The following CHN2 variants were observed in gnomAD, a reference collection of about 807,000 sequenced individuals.
CHN2 encodes beta-chimaerin.
CHN2 carries 35 observed loss-of-function variants against 56.3 expected under a neutral mutation model. The ratio of observed to expected loss-of-function variants is 0.62; its 90% CI spans 0.47 to 0.82. The LOEUF is 0.82. Ranked by LOEUF, CHN2 falls within the 40% of genes least tolerant of loss-of-function variation. The pLI, the probability that CHN2 is intolerant of heterozygous loss-of-function variation, is 0.00. For synonymous variants in CHN2, 210 were observed against 212.8 expected (o/e 0.99, Z 0.12); for missense variants, 491 against 580.5 (o/e 0.85, Z 1.58).
intron 1 of CHN2, among the ~76,000 whole-genome samples, chr7:29,254,661 G>A (rs149043200): frequency 3.9e-5 from 6 of 152,166 alleles, no homozygotes; most frequent in East Asian, 3.9e-4. Flanking sequence ...ATTGGTTACC[G>A]GGGACTGGAC....
intron 2 of CHN2, among the ~76,000 whole-genome samples, chr7:29,148,308 C>T (rs1438441987): frequency 6.6e-6 from 1 of 152,182 alleles, no homozygotes; most frequent in Non-Finnish European, 1.5e-5. Context: ...CTGAATTTTA[C>T]AGTAAACACA....
intron 1 of CHN2, among the ~76,000 whole-genome samples, chr7:29,321,335 A>G (rs1795328584): frequency 6.6e-6 from 1 of 152,148 alleles, no homozygotes; most frequent in South Asian, 2.1e-4. Context: ...TGGAACGCAC[A>G]TGCCAGGGAC....
At chr7:29,339,407 C>T (rs1001029419) in intron 1 of CHN2, among the ~76,000 whole-genome samples, 2 of 151,968 alleles carry the variant, frequency 1.3e-5, no homozygotes, top group African/African-American at 2.4e-5. Context: ...ACTGAAACCC[C>T]GAGCTATGCC....
intron 3 of CHN2, among the ~76,000 whole-genome samples, chr7:29,375,663 G>T (rs1228530772): frequency 6.6e-6 from 1 of 152,190 alleles, no homozygotes; most frequent in Non-Finnish European, 1.5e-5. Context: ...TGGAACCCAA[G>T]ATCCCATTAC....
chr7:29,355,590 G>A (rs1213189978), intron 2 of CHN2, among the ~76,000 whole-genome samples: 1 of 151,838 alleles, frequency 6.6e-6, no homozygotes, highest in African/African-American at 2.4e-5. Flanking sequence ...GGTAGGAGGA[G>A]CCCACTGTGT....
chr7:29,414,605 A>G (rs1057136795), intron 6 of CHN2, among the ~76,000 whole-genome samples: 30 of 151,950 alleles, frequency 2.0e-4, no homozygotes, highest in Non-Finnish European at 4.4e-4. Flanking sequence ...CCTGAGATTG[A>G]CCACCGCCTG....
At position 29,226,178 on chromosome 7, in the gene CHN2, A is replaced by G. The variant is rs189813447; in HGVS notation, c.49+31188A>G. 6.7e-3 allele frequency among the ~76,000 whole-genome samples: 1,024 copies of G among 152,328 alleles called. 5 individuals are homozygous for G. The highest frequency in any genetic ancestry group is 1.0e-2 in the Non-Finnish European group (679 of 68,028). On this transcript the variant is annotated intron_variant, in intron 1 of 12. Coordinates refer to ENST00000222792, the MANE Select transcript of CHN2 (RefSeq NM_004067.4). The stretch of plus-strand genomic sequence containing the variant: ...TCAATTGATTGCCTGTAGTGTTACA[A>G]ATACTTTGAAAAATGAAGGGAAATT...
rs1791629862 is a variant in CHN2, at chr7:29,512,675, T to C, written c.1347T>C (p.Asp449=). ...PEDSTLTTLH[D]MRYQKLIVQI... is the part of the protein sequence containing the mutation. ...ACAGCACCCTGACCACCCTGCATGA[T>C]ATGCGGTACCAAAAGCTGATTGTGC... The change falls in exon 13 of 13, where the codon GAT becomes GAC. Residue 449 remains aspartate (D), a synonymous_variant. Coordinates refer to ENST00000222792, the MANE Select transcript of CHN2 (RefSeq NM_004067.4). The C allele has an allele frequency of 6.2e-7, 1 of 1,614,094 alleles. No homozygotes were observed.
At chr7:29,473,117 A>G (rs1424638282) in intron 6 of CHN2, among the ~76,000 whole-genome samples, 1 of 152,208 alleles carries the variant, frequency 6.6e-6, no homozygotes, top group African/African-American at 2.4e-5. Flanking sequence ...CCTGCAGGGC[A>G]TGGTATGGAT....
chr7:29,506,669 C>G (rs1480763477), intron 10 of CHN2, among the ~76,000 whole-genome samples: 1 of 152,112 alleles, frequency 6.6e-6, no homozygotes. Context: ...AGAAATATAA[C>G]ATCACATATC....
intron 1 of CHN2, among the ~76,000 whole-genome samples, chr7:29,318,463 G>C (rs924373511): frequency 6.6e-6 from 1 of 152,178 alleles, no homozygotes; most frequent in Non-Finnish European, 1.5e-5. Context: ...GTCTGGAATG[G>C]AGAAGCCATG....
intron 2 of CHN2, among the ~76,000 whole-genome samples, chr7:29,181,862 G>A (rs190912842): frequency 6.6e-6 from 1 of 151,990 alleles, no homozygotes; most frequent in African/African-American, 2.4e-5. Flanking sequence ...AATTCCTAAG[G>A]GGGGGAAAAG....
chr7:29,288,658 C>G (rs1282672419), intron 1 of CHN2, among the ~76,000 whole-genome samples: 1 of 151,898 alleles, frequency 6.6e-6, no homozygotes, highest in African/African-American at 2.4e-5. Context: ...GCAGGGAGCA[C>G]ACAGAGAGGA....
At chr7:29,280,414 A>T (rs1264106841) in intron 1 of CHN2, among the ~76,000 whole-genome samples, 2 of 151,996 alleles carry the variant, frequency 1.3e-5, no homozygotes, top group Non-Finnish European at 2.9e-5. Context: ...ATAAATAAAT[A>T]AAAATAGGGA....
intron 6 of CHN2, among the ~76,000 whole-genome samples, chr7:29,426,489 A>T (rs1464414526): frequency 6.6e-6 from 1 of 152,180 alleles, no homozygotes; most frequent in Non-Finnish European, 1.5e-5. Flanking sequence ...AAGTAGTGAC[A>T]ACTGCCCCTA....
intron 1 of CHN2, among the ~76,000 whole-genome samples, chr7:29,263,720 C>T (rs1037358937): frequency 3.3e-5 from 5 of 151,022 alleles, no homozygotes; most frequent in African/African-American, 7.3e-5. Flanking sequence ...CCCGGCCGCC[C>T]ATCATCTGGG....
intron 2 of CHN2, among the ~76,000 whole-genome samples, chr7:29,187,856 T>C (rs1163587726): frequency 1.3e-5 from 2 of 152,248 alleles, no homozygotes; most frequent in South Asian, 2.1e-4. Context: ...ATAACATTAT[T>C]GTTGGGCATA....
chr7:29,251,464 A>G (rs1161495424), intron 1 of CHN2, among the ~76,000 whole-genome samples: 1 of 152,218 alleles, frequency 6.6e-6, no homozygotes, highest in Non-Finnish European at 1.5e-5. Flanking sequence ...AAAAAAATAA[A>G]ATAAAATAAC....
At chr7:29,159,254 G>A (rs1384235709) in intron 2 of CHN2, among the ~76,000 whole-genome samples, 2 of 152,324 alleles carry the variant, frequency 1.3e-5, no homozygotes, top group African/African-American at 2.4e-5. Context: ...TTGCAGAAGA[G>A]GAAACTGAGC....
Sources: allele counts gnomAD v4.1 joint callset (sites outside exome capture counted in the v4.1 genomes callset), GRCh38; gene constraint gnomAD v4.1.1; transcripts MANE v1.5; gene names NCBI Gene and HGNC (gene_info 2026-07-23, HGNC 2026-07-21).